The following LPAR6 variants were observed in gnomAD, a reference collection of about 807,000 sequenced individuals.
LPAR6 encodes the protein G-protein coupled purinergic receptor P2Y5.
In LPAR6, 17 loss-of-function variants were observed where a neutral mutation model predicts 22.0. That is an observed-to-expected ratio of 0.77 (90% CI 0.53 to 1.16). The LOEUF (loss-of-function observed/expected upper bound fraction) is 1.16, where lower values mean the gene tolerates loss of function less well. Ranked by LOEUF, LPAR6 falls within the 50% of genes most tolerant of loss-of-function variation. The pLI is 0.00. For missense variants in LPAR6, 384 were observed against 406.9 expected (o/e 0.94, Z 0.48); for synonymous variants, 136 against 139.8 (o/e 0.97, Z 0.19).
intron 2 of LPAR6, among the ~76,000 whole-genome samples, chr13:48,418,834 C>T (rs1344514183): frequency 6.6e-6 from 1 of 152,054 alleles, no homozygotes; most frequent in Non-Finnish European, 1.5e-5. Flanking sequence ...ACAAGAAGAG[C>T]TAACTATCCT....
chr13:48,393,637 T>TA (rs1206079621), intron 1 of LPAR6, among the ~76,000 whole-genome samples: 1 of 152,222 alleles, frequency 6.6e-6, no homozygotes, highest in Admixed American at 6.5e-5. Flanking sequence ...TATGTACACT[T>TA]ACAGAATATT....
intron 1 of LPAR6, among the ~76,000 whole-genome samples, chr13:48,434,375 T>C (rs1321636226): frequency 6.6e-6 from 1 of 152,132 alleles, no homozygotes; most frequent in Non-Finnish European, 1.5e-5. Context: ...TTTTAACAGA[T>C]AGATTATTTC....
Position 48,411,264 on chromosome 13 carries a change from A to G in LPAR6, c.*125T>C, listed in dbSNP as rs1948794167. On this transcript the variant is annotated 3_prime_UTR_variant, in exon 1 of 1. Coordinates refer to ENST00000620633, the MANE Select transcript of LPAR6 (RefSeq NM_001162498.3). ...ATTGAATACAAATTTTCTTTATACT[A>G]AAGACTTTAAAATGTCCATGTGTTA... The G allele has an allele frequency of 1.0e-5, 8 of 803,628 alleles. No homozygotes were observed. Among genetic ancestry groups the G allele is most frequent in the Admixed American group, 3.8e-5 (2 of 52,220 alleles). The allele number at this position is 803,628 out of a possible 1,614,324, so 49.8% of individuals were successfully genotyped here. A position where few individuals can be genotyped will look rare whatever the true frequency, so the allele number is the denominator to read the frequency against.
chr13:48,432,987 G>A (rs1438017597), intron 1 of LPAR6, among the ~76,000 whole-genome samples: 1 of 152,040 alleles, frequency 6.6e-6, no homozygotes, highest in Non-Finnish European at 1.5e-5. Flanking sequence ...GATTTGGAAT[G>A]GGATACTGCT....
In LPAR6 at chr13:48,412,959, A is replaced by T. The variant is rs1406427016; in HGVS notation, c.-536T>A. On this transcript the variant is annotated 5_prime_UTR_variant, in exon 1 of 1. Transcript: ENST00000620633. ...TTTACTTCTTGCTTCTTTTAAATGAAGTTTTCCTTTTTTGTTTTCCTGCAG... is the reference window on the plus strand; with the variant it reads ...TTTACTTCTTGCTTCTTTTAAATGATGTTTTCCTTTTTTGTTTTCCTGCAG... 1 of 169,398 alleles carries T rather than the reference A, an allele frequency of 5.9e-6. No individual in the cohort carries two copies. The highest frequency in any genetic ancestry group is 2.4e-5 in the African/African-American group (1 of 41,420). 10.5% of individuals were successfully genotyped at this position (169,398 alleles called of 1,614,324 possible).
At chr13:48,425,465 G>A (rs553709687) in intron 1 of LPAR6, among the ~76,000 whole-genome samples, 16 of 152,346 alleles carry the variant, frequency 1.1e-4, no homozygotes, top group African/African-American at 3.8e-4. Context: ...GGTAAGGCTA[G>A]GTGGGTTGTA....
At chr13:48,423,213 C>T (rs1321192991) in intron 1 of LPAR6, among the ~76,000 whole-genome samples, 1 of 152,126 alleles carries the variant, frequency 6.6e-6, no homozygotes, top group Non-Finnish European at 1.5e-5. Flanking sequence ...TTAATGACAT[C>T]TGATTCTGAT....
chr13:48,434,706 C>T (rs1225456080), intron 1 of LPAR6, among the ~76,000 whole-genome samples: 1 of 152,080 alleles, frequency 6.6e-6, no homozygotes, highest in Admixed American at 6.5e-5. Flanking sequence ...CCACCACAAG[C>T]AATTGCACCC....
chr13:48,438,130 A>G (rs2138298002), intron 1 of LPAR6, among the ~76,000 whole-genome samples: 1 of 152,260 alleles, frequency 6.6e-6, no homozygotes, highest in East Asian at 1.9e-4. Context: ...TCCTTCAGCG[A>G]GTTTATATTT....
intron 2 of LPAR6, among the ~76,000 whole-genome samples, chr13:48,419,508 C>T (rs1948971034): frequency 1.3e-5 from 2 of 152,058 alleles, no homozygotes; most frequent in Non-Finnish European, 2.9e-5. Context: ...AATTCAAAAG[C>T]TAGCAGAAGA....
intron 1 of LPAR6, among the ~76,000 whole-genome samples, chr13:48,426,041 G>A (rs1207853880): frequency 6.6e-6 from 1 of 152,120 alleles, no homozygotes; most frequent in Non-Finnish European, 1.5e-5. Flanking sequence ...GTGAGTGCAT[G>A]CATAAAGGAT....
chr13:48,417,957 T>G (rs567058787), upstream of LPAR6, among the ~76,000 whole-genome samples: 2 of 152,270 alleles, frequency 1.3e-5, no homozygotes, highest in South Asian at 4.1e-4. Flanking sequence ...AAAACACTCT[T>G]CAGGATATTA....
intron 1 of LPAR6, among the ~76,000 whole-genome samples, chr13:48,401,137 G>C (rs1948688188): frequency 6.6e-6 from 1 of 152,126 alleles, no homozygotes; most frequent in East Asian, 1.9e-4. Flanking sequence ...GTACAAACAA[G>C]AAGGGAAGTA....
upstream of LPAR6, chr13:48,429,451 C>G (rs1392788336): frequency 6.6e-6 from 1 of 152,094 alleles, no homozygotes; most frequent in African/African-American, 2.4e-5. Context: ...AGGGGCGAAC[C>G]CACCCAGGTC....
At chr13:48,420,683 G>A (rs1948991876) in intron 2 of LPAR6, among the ~76,000 whole-genome samples, 1 of 152,280 alleles carries the variant, frequency 6.6e-6, no homozygotes, top group South Asian at 2.1e-4. Context: ...AGCAACTTCA[G>A]CAAAGTCTCA....
Position 48,411,932 on chromosome 13 carries a change from G to C in LPAR6, c.492C>G (p.Ala164=). The change falls in exon 1 of 1, where the codon GCC becomes GCG. Residue 164 remains alanine, a synonymous_variant. Coordinates refer to ENST00000620633, the MANE Select transcript of LPAR6 (RefSeq NM_001162498.3). The stretch of plus-strand genomic sequence containing the variant: ...GAAAATTTTCAAAGCAGGCTTCTGA[G>C]GCATTGTTACCCTGAGAGTGGGTAG... ...VQSTHSQGNN[A]SEACFENFPE... The C allele has an allele frequency of 6.2e-7, 1 of 1,612,530 alleles. No homozygotes were observed. Among genetic ancestry groups the C allele is most frequent in the Non-Finnish European group, 8.5e-7 (1 of 1,179,192 alleles).
rs1208140722 is a variant in LPAR6 at position 48,392,025 on chromosome 13, G to C, written n.115-2213C>G. 6.6e-5 allele frequency among the ~76,000 whole-genome samples: 10 copies of C among 152,128 alleles called. 1 individual carries two copies. The highest frequency in any genetic ancestry group is 5.9e-4 in the Admixed American group (9 of 15,266). ...TTATTTTTAAAAGGTCTTTTGCTGG[G>C]TATTGAATTCTAGGTTGACAGTCTT... On this transcript the variant is annotated intron_variant and non_coding_transcript_variant, in intron 1 of 1. Coordinates refer to the LPAR6 transcript ENST00000462781.
upstream of LPAR6, among the ~76,000 whole-genome samples, chr13:48,428,745 G>T (rs905394952): frequency 2.0e-5 from 3 of 152,140 alleles, no homozygotes; most frequent in Admixed American, 1.3e-4. Flanking sequence ...TAAAAAGTTT[G>T]CATTTGTACA....
intron 1 of LPAR6, among the ~76,000 whole-genome samples, chr13:48,435,228 G>A (rs1207754572): frequency 6.6e-6 from 1 of 152,128 alleles, no homozygotes; most frequent in African/African-American, 2.4e-5. Context: ...CCATCATTTG[G>A]TGATGTCTTT....
Sources: allele counts gnomAD v4.1 joint callset (sites outside exome capture counted in the v4.1 genomes callset), GRCh38; gene constraint gnomAD v4.1.1; transcripts MANE v1.5; gene names NCBI Gene and HGNC (gene_info 2026-07-23, HGNC 2026-07-21).